Variants in CELSR1 observed in about 807,000 individuals in gnomAD.
CELSR1 encodes the protein cadherin EGF LAG seven-pass G-type receptor 1, also known as adhesion G protein-coupled receptor C1.
In CELSR1, 110 loss-of-function variants were observed where a neutral mutation model predicts 249.1. The ratio of observed to expected loss-of-function variants is 0.44; its 90% CI spans 0.38 to 0.52. The LOEUF is 0.52. Among genes scored for constraint, CELSR1 ranks in the 20% least tolerant of loss-of-function variants. The pLI is 0.00. For synonymous variants in CELSR1, 2,113 were observed against 1,900.0 expected (o/e 1.11, Z -2.92); for missense variants, 4,109 against 4,296.4 (o/e 0.96, Z 1.22).
In CELSR1 at chr22:46,411,474, T is replaced by G. The variant is rs1023202887; in HGVS notation, c.4769+128A>C. On this transcript the variant is annotated intron_variant, in intron 6 of 34. Transcript: ENST00000674500. The surrounding 1 kb of genome is among the most constrained non-coding windows in gnomAD (Gnocchi z 4.2). ...CAACCATGGACAGGATGTCTGACTC[T>G]AGCCTGGAATGAGGTCGCCAGGGCA... 2 of 1,040,006 alleles carry G rather than the reference T, an allele frequency of 1.9e-6. No individual in the cohort carries two copies. Among genetic ancestry groups the G allele is most frequent in the Non-Finnish European group, 2.8e-6 (2 of 726,438 alleles). The allele number at this position is 1,040,006 out of a possible 1,614,324, so 64.4% of individuals were successfully genotyped here. A position where few individuals can be genotyped will look rare whatever the true frequency, so the allele number is the denominator to read the frequency against.
chr22:46,388,356 A>T (rs182036492), intron 18 of CELSR1, among the ~76,000 whole-genome samples: 492 of 152,044 alleles, frequency 3.2e-3, no homozygotes, highest in African/African-American at 0.011. Flanking sequence ...CTTAAAAAAA[A>T]AAAGAAATAA....
At chr22:46,467,120 A>G (rs1309509314) in intron 1 of CELSR1, among the ~76,000 whole-genome samples, 1 of 152,252 alleles carries the variant, frequency 6.6e-6, no homozygotes, top group Non-Finnish European at 1.5e-5. Context: ...ATATTAATTC[A>G]ATTAAAATAA....
rs1179078175 is a variant in CELSR1, at chr22:46,471,104, G to A, written c.3545-6759C>T. On this transcript the variant is annotated intron_variant, in intron 1 of 34. Transcript: ENST00000674500. This position sits in a 1 kb window ranked among gnomAD's most constrained non-coding sequence, Gnocchi z 4.9. ...GGCACCACTGCACTCCAGCCTGGGC[G>A]ACAGAGTGAGACTCCACCTCAAAAA... is the stretch of plus-strand genomic sequence containing the variant. Among the ~76,000 whole-genome samples the A allele has an allele frequency of 6.6e-6, 1 of 151,970 alleles. No homozygotes were observed. Among genetic ancestry groups the A allele is most frequent in the Admixed American group, 6.6e-5 (1 of 15,250 alleles).
At chr22:46,425,988 TG>T (rs748180061) in intron 5 of CELSR1, among the ~76,000 whole-genome samples, 6 of 152,268 alleles carry the variant, frequency 3.9e-5, no homozygotes, top group Non-Finnish European at 8.8e-5. Context: ...CCTTTAAATT[TG>T]TTTTAAAAAC....
In CELSR1 at chr22:46,472,692, G is replaced by A. The variant is rs192384289; in HGVS notation, c.3545-8347C>T. Among the ~76,000 whole-genome samples the A allele has an allele frequency of 6.6e-5, 10 of 152,322 alleles. No homozygotes were observed. The highest frequency in any genetic ancestry group is 2.0e-4 in the Admixed American group (3 of 15,290). ...CCAATACAGGACATTCACTCTCTCC[G>A]TTTTGGAGGCCAGGGATCTGAAATT... On this transcript the variant is annotated intron_variant, in intron 1 of 34. Transcript: ENST00000674500. This position sits in a 1 kb window ranked among gnomAD's most constrained non-coding sequence, Gnocchi z 7.0.
rs1310260939 is a variant in CELSR1, at chr22:46,381,670, C to T, written c.7088+176G>A. 6.6e-6 allele frequency among the ~76,000 whole-genome samples: 1 copy of T among 152,168 alleles called. No homozygotes were observed. The highest frequency in any genetic ancestry group is 6.5e-5 in the Admixed American group (1 of 15,286). ...CCAGGGTGTGGTATCCTGTGGCAGACCCAGAATCTCCCTCCAAGGACCACC... is the reference window on the plus strand; with the variant it reads ...CCAGGGTGTGGTATCCTGTGGCAGATCCAGAATCTCCCTCCAAGGACCACC... On this transcript the variant is annotated intron_variant, in intron 21 of 34. Coordinates refer to ENST00000674500, the MANE Select transcript of CELSR1 (RefSeq NM_001378328.1). The surrounding 1 kb of genome is among the most constrained non-coding windows in gnomAD (Gnocchi z 6.0).
In CELSR1 at chr22:46,527,658, C is replaced by T. The variant is rs2080751568; in HGVS notation, c.3544+5969G>A. On this transcript the variant is annotated intron_variant, in intron 1 of 34. Transcript: ENST00000674500. This position sits in a 1 kb window ranked among gnomAD's most constrained non-coding sequence, Gnocchi z 5.5. ...AAACCAACACTCCTTATTTCTGAGGCAGTGTTTCTCAAGGTATGAGCAAGC... is the reference window on the plus strand; with the variant it reads ...AAACCAACACTCCTTATTTCTGAGGTAGTGTTTCTCAAGGTATGAGCAAGC... 6.6e-6 allele frequency among the ~76,000 whole-genome samples: 1 copy of T among 152,226 alleles called. No individual in the cohort carries two copies. Among genetic ancestry groups the T allele is most frequent in the South Asian group, 2.1e-4 (1 of 4,830 alleles).
Position 46,440,237 on chromosome 22 carries a change from T to C in CELSR1, c.4184-826A>G, listed in dbSNP as rs557020959. On this transcript the variant is annotated intron_variant, in intron 2 of 34. Coordinates refer to ENST00000674500, the MANE Select transcript of CELSR1 (RefSeq NM_001378328.1). This position sits in a 1 kb window ranked among gnomAD's most constrained non-coding sequence, Gnocchi z 4.7. ...TGCTTCGACCCAGTTGTTCCTGGAC[T>C]GGCCGCTGCATCCTCCAGCAACCAG... is the stretch of plus-strand genomic sequence containing the variant. Among the ~76,000 whole-genome samples the C allele has an allele frequency of 6.6e-6, 1 of 152,180 alleles. No homozygotes were observed. The highest frequency in any genetic ancestry group is 2.1e-4 in the South Asian group (1 of 4,820).
rs377399892 is a variant in CELSR1 at position 46,388,693 on chromosome 22, G to A, written c.6555+597C>T. 2.1e-3 allele frequency among the ~76,000 whole-genome samples: 325 copies of A among 152,340 alleles called. 2 individuals are homozygous for A. The highest frequency in any genetic ancestry group is 6.3e-3 in the African/African-American group (262 of 41,584). ...CCACAACGAAACTTCTGGAGCCCCC[G>A]AAAGCAGTTTCCAAATATCAGGCTG... On this transcript the variant is annotated intron_variant, in intron 18 of 34. Coordinates refer to ENST00000674500, the MANE Select transcript of CELSR1 (RefSeq NM_001378328.1).
At position 46,363,965 on chromosome 22, in the gene CELSR1, G is replaced by T. The variant is rs976110559; in HGVS notation, c.9035+31C>A. Reference sequence around the variant, plus strand: ...GACTCAGGACAAGGGGGAAGTGGGTGATCCCCGCCCTGGAGGCCCAGGCTA... The same window carrying T: ...GACTCAGGACAAGGGGGAAGTGGGTTATCCCCGCCCTGGAGGCCCAGGCTA... On this transcript the variant is annotated intron_variant, in intron 34 of 34. Transcript: ENST00000674500. This position sits in a 1 kb window ranked among gnomAD's most constrained non-coding sequence, Gnocchi z 4.3. 1.3e-6 allele frequency: 2 copies of T among 1,549,866 alleles called. No individual in the cohort carries two copies. The highest frequency in any genetic ancestry group is 1.7e-6 in the Non-Finnish European group (2 of 1,149,544).
chr22:46,485,493 C>A (rs1170178646), intron 1 of CELSR1, among the ~76,000 whole-genome samples: 1 of 152,244 alleles, frequency 6.6e-6, no homozygotes, highest in African/African-American at 2.4e-5. Flanking sequence ...GCCTGGGAGG[C>A]TGCATGCGGG....
chr22:46,535,052 G>A lies in CELSR1; in HGVS notation c.2119C>T (p.Leu707=), dbSNP rs1222521746. The stretch of plus-strand genomic sequence containing the variant: ...TCACGGTCGCGGGCCTGCAGGGTCA[G>A]CACGCTGCTCCCCACGGCCGCATCC... The part of the protein sequence containing the change: ...NEDAAVGSSV[L]TLQARDRDAN... Residue 707 remains leucine, a synonymous_variant, in exon 1 of 35, where the codon CTG becomes TTG. Transcript: ENST00000674500. 6.2e-7 allele frequency: 1 copy of A among 1,612,484 alleles called. No homozygotes were observed. Among genetic ancestry groups the A allele is most frequent in the Non-Finnish European group, 8.5e-7 (1 of 1,179,982 alleles).
In CELSR1 at chr22:46,439,311, G is replaced by A. The variant is rs758761463; in HGVS notation, c.4284C>T (p.Cys1428=). The change falls in exon 3 of 35, where the codon TGC becomes TGT. Residue 1428 remains cysteine (C), a synonymous_variant. Transcript: ENST00000674500. ...CVNLLIGGFH[C]VCPPGEYERP... is the part of the protein sequence containing the mutation. The stretch of plus-strand genomic sequence containing the variant: ...TCTCATACTCGCCAGGAGGACACAC[G>A]CAGTGGAAGCCGCCGATGAGCAGGT... The A allele has an allele frequency of 8.4e-5, 136 of 1,613,910 alleles. No individual in the cohort carries two copies. Among genetic ancestry groups the A allele is most frequent in the East Asian group, 3.6e-4 (16 of 44,876 alleles).
intron 1 of CELSR1, among the ~76,000 whole-genome samples, chr22:46,533,279 T>TCCATCC (rs2080810757): frequency 6.6e-6 from 1 of 152,170 alleles, no homozygotes; most frequent in Non-Finnish European, 1.5e-5. Context: ...AAAGAGCATC[T>TCCATCC]CCAAGCAAAT....
Position 46,535,540 on chromosome 22 carries a change from A to T in CELSR1, c.1631T>A (p.Leu544His). Residue 544 changes from leucine (L) to histidine (H), a missense_variant, in exon 1 of 35, where the codon CTC (leucine) becomes CAC (histidine). By Grantham distance (99) the Leu-to-His change is moderately conservative (BLOSUM62 -3). Coordinates refer to ENST00000674500, the MANE Select transcript of CELSR1 (RefSeq NM_001378328.1). ...AGACACCACCCCTGAAGAATTGATG[A>T]GCGGGGGCCGGCCCCCATCCTGGGC... ...IKAQDGGRPP[L>H]INSSGVVSVQ... The T allele has an allele frequency of 6.2e-7, 1 of 1,613,246 alleles. No individual in the cohort carries two copies. The highest frequency in any genetic ancestry group is 2.2e-5 in the East Asian group (1 of 44,868).
At position 46,528,907 on chromosome 22, in the gene CELSR1, C is replaced by T. The variant is rs1181555673; in HGVS notation, c.3544+4720G>A. On this transcript the variant is annotated intron_variant, in intron 1 of 34. Transcript: ENST00000674500. ...TCGCGCCACTGCACTCCAGCCTGGG[C>T]GACAGAGCGAGACTCTGTCTCAAAA... 7.1e-4 allele frequency among the ~76,000 whole-genome samples: 106 copies of T among 149,844 alleles called. 1 individual carries two copies. The highest frequency in any genetic ancestry group is 3.4e-3 in the Middle Eastern group (1 of 290).
chr22:46,474,561 T>G (rs1046930250), intron 1 of CELSR1, among the ~76,000 whole-genome samples: 1 of 152,100 alleles, frequency 6.6e-6, no homozygotes, highest in Non-Finnish European at 1.5e-5. Context: ...ACTTGTAAAT[T>G]TATCATTTAT....
Position 46,456,594 on chromosome 22 carries a change from C to T in CELSR1, c.4183+7113G>A, listed in dbSNP as rs189779109. Among the ~76,000 whole-genome samples, 955 of 138,456 alleles carry T rather than the reference C, an allele frequency of 6.9e-3. 14 individuals carry two copies. The highest frequency in any genetic ancestry group is 0.025 in the African/African-American group (908 of 36,864). The allele number at this position is 138,456 out of a possible 152,430, so 90.8% of individuals were successfully genotyped here. A position where few individuals can be genotyped will look rare whatever the true frequency, so the allele number is the denominator to read the frequency against. ...AGGAGAATGGCGTGAACCTGGGAGG[C>T]AGAGCTTGCAGTGAGCCGAGATTGT... On this transcript the variant is annotated intron_variant, in intron 2 of 34. Transcript: ENST00000674500.
chr22:46,384,485 T>C, intron 20 of CELSR1, 58 bp downstream of exon 20: 2 of 1,522,698 alleles, frequency 1.3e-6, no homozygotes, highest in African/African-American at 1.4e-5. Context: ...AGCGGGGCCC[T>C]CCCCTCCCTG....
Sources: gnomAD v4.1 joint callset for allele counts (sites outside exome capture counted in the v4.1 genomes callset) on GRCh38, gnomAD v4.1.1 for gene constraint, Gnocchi (gnomAD v3.1) non-coding constraint, MANE v1.5 for transcripts, NCBI Gene and HGNC (gene_info 2026-07-23, HGNC 2026-07-21) for gene names.